Variants in RASGRF1 observed in about 807,000 individuals in gnomAD.
The protein encoded by RASGRF1 is ras-specific guanine nucleotide-releasing factor 1.
RASGRF1 carries 40 observed loss-of-function variants against 138.7 expected under a neutral mutation model. The ratio of observed to expected loss-of-function variants is 0.29; its 90% CI spans 0.22 to 0.38. RASGRF1 has a LOEUF of 0.38. Ranked by LOEUF, RASGRF1 falls within the 10% of genes least tolerant of loss-of-function variation. The probability of loss-of-function intolerance (pLI) is 1.00; values close to 1 mark genes in which losing one functional copy is unlikely to be tolerated. For missense variants in RASGRF1, 1,108 were observed against 1,650.4 expected (o/e 0.67, Z 5.69); for synonymous variants, 614 against 663.2 (o/e 0.93, Z 1.14).
chr15:78,992,462 T>C (rs1005039948), intron 20 of RASGRF1, among the ~76,000 whole-genome samples: 1 of 152,142 alleles, frequency 6.6e-6, no homozygotes, highest in Non-Finnish European at 1.5e-5. Flanking sequence ...CGGCAGGAGA[T>C]GGATGAGTGG....
At chr15:79,010,589 C>T (rs531880477) in intron 13 of RASGRF1, among the ~76,000 whole-genome samples, 1 of 152,324 alleles carries the variant, frequency 6.6e-6, no homozygotes, top group East Asian at 1.9e-4. Context: ...AACATTTTCT[C>T]AGTGGAAATT....
intron 13 of RASGRF1, among the ~76,000 whole-genome samples, chr15:79,013,471 C>T (rs994820513): frequency 2.6e-5 from 4 of 152,238 alleles, no homozygotes; most frequent in African/African-American, 7.2e-5. Flanking sequence ...AGAGTGGTGG[C>T]GAGTGGAAAC....
chr15:79,012,471 C>T (rs376363630), intron 13 of RASGRF1: 156 of 1,514,136 alleles, frequency 1.0e-4, no homozygotes, highest in Middle Eastern at 1.7e-4. Flanking sequence ...ATGAATTTCC[C>T]GAGGACGGAG....
At chr15:78,968,904 C>T (rs191010279) in intron 26 of RASGRF1, among the ~76,000 whole-genome samples, 170 of 152,240 alleles carry the variant, frequency 1.1e-3, no homozygotes, top group African/African-American at 3.2e-3. Context: ...AGTCTTTGGC[C>T]GGACTTTAAT....
chr15:78,969,319 T>G (rs928746263), intron 26 of RASGRF1, among the ~76,000 whole-genome samples: 9 of 152,198 alleles, frequency 5.9e-5, no homozygotes, highest in Non-Finnish European at 1.2e-4. Flanking sequence ...CCTGATTAGA[T>G]TCAAACACTT....
chr15:79,064,591 ATC>A, intron 1 of RASGRF1, 65 bp from the exon 2 acceptor site: 1 of 1,499,008 alleles, frequency 6.7e-7, no homozygotes, highest in Non-Finnish European at 9.3e-7. Flanking sequence ...GACTCTTGCA[ATC>A]AATCTAGCTG....
chr15:78,998,904 C>T lies in RASGRF1; in HGVS notation c.2747-79G>A, dbSNP rs1253860264. The T allele has an allele frequency of 3.3e-6, 4 of 1,225,252 alleles. No individual in the cohort carries two copies. The African/African-American group carries it at 6.0e-5, about 18-fold the overall frequency. The allele number at this position is 1,225,252 out of a possible 1,614,324, so 75.9% of individuals were successfully genotyped here. ...GCTTGACACTAGTCTGGATTTGCCT[C>T]TCGGATCTGGCTGAGCTGGGGTGAG... On this transcript the variant is annotated intron_variant, in intron 17 of 26. Coordinates refer to ENST00000558480, the MANE Select transcript of RASGRF1 (RefSeq NM_001145648.3).
intron 24 of RASGRF1, among the ~76,000 whole-genome samples, chr15:78,976,132 G>C (rs1235172688): frequency 6.6e-6 from 1 of 152,080 alleles, no homozygotes; most frequent in African/African-American, 2.4e-5. Context: ...CAGTGAAAAG[G>C]ATCAGAGGTC....
chr15:79,004,297 T>G lies in RASGRF1; in HGVS notation c.2076-122A>C, dbSNP rs971374069. 3.1e-6 allele frequency: 4 copies of G among 1,277,274 alleles called. No individual in the cohort carries two copies. In the East Asian group the frequency reaches 7.2e-5, roughly 23 times the overall value. 79.1% of individuals were successfully genotyped at this position (1,277,274 alleles called of 1,614,324 possible). On this transcript the variant is annotated intron_variant, in intron 14 of 26. Transcript: ENST00000558480. ...ACGGCTCCATCATTCTTAGGATCCC[T>G]GAAACCCATACTTGAGCTGATCCTC...
rs1481272886 is a variant in RASGRF1 at position 78,980,682 on chromosome 15, A to T, written c.3432T>A (p.Asp1144Glu). The change falls in exon 24 of 27, where the codon GAT (aspartate) becomes GAA (glutamate). Residue 1144 changes from aspartate to glutamate, a missense_variant. Asp to Glu is a conservative substitution (Grantham distance 45). Coordinates refer to ENST00000558480, the MANE Select transcript of RASGRF1 (RefSeq NM_001145648.3). ...CAGATGACACAAGCTTTTGGAGCTT[A>T]TCAATCAAAGCTTTAGTCTAGAAGG... ...KVSKQTKALIDKLQKLVSSEG... is the reference protein window; with the variant it reads ...KVSKQTKALIEKLQKLVSSEG... 2 of 1,604,594 alleles carry T rather than the reference A, an allele frequency of 1.2e-6. No individual in the cohort carries two copies. Among genetic ancestry groups the T allele is most frequent in the Non-Finnish European group, 1.7e-6 (2 of 1,172,204 alleles).
chr15:79,078,576 C>T (rs1176150444), intron 1 of RASGRF1, among the ~76,000 whole-genome samples: 1 of 152,154 alleles, frequency 6.6e-6, no homozygotes, highest in Non-Finnish European at 1.5e-5. Context: ...CCACTAGATC[C>T]CCCACACCAA....
intron 14 of RASGRF1, chr15:79,005,296 C>T: frequency 2.0e-6 from 2 of 985,622 alleles, no homozygotes; most frequent in Non-Finnish European, 2.4e-6. Flanking sequence ...TGGTGAGGTT[C>T]CTGGGGAGCC....
intron 1 of RASGRF1, among the ~76,000 whole-genome samples, chr15:79,080,423 A>G (rs1444880899): frequency 3.3e-5 from 5 of 152,218 alleles, no homozygotes; most frequent in Admixed American, 1.3e-4. Flanking sequence ...AGAACACTAC[A>G]TGTGAACAGG....
At chr15:79,075,232 T>C (rs1033326571) in intron 1 of RASGRF1, among the ~76,000 whole-genome samples, 2 of 152,214 alleles carry the variant, frequency 1.3e-5, no homozygotes, top group Non-Finnish European at 2.9e-5. Context: ...ACCTGCGACC[T>C]ACCAGGCTCA....
At position 79,017,601 on chromosome 15, in the gene RASGRF1, T is replaced by A. The variant is rs141164968; in HGVS notation, c.1743+169A>T. On this transcript the variant is annotated intron_variant, in intron 12 of 26. Transcript: ENST00000558480. ...GGGACTACAAACGGGATGGACTAGC[T>A]GAGCTCAGCTTTGGGTAGGGCTGTG... Among the ~76,000 whole-genome samples, 442 of 152,304 alleles carry A rather than the reference T, an allele frequency of 2.9e-3. 7 individuals carry two copies. Among genetic ancestry groups the A allele is most frequent in the Admixed American group, 0.026 (396 of 15,296 alleles).
chr15:79,009,962 A>T (rs2056761197), intron 13 of RASGRF1, among the ~76,000 whole-genome samples: 1 of 149,052 alleles, frequency 6.7e-6, no homozygotes, highest in Non-Finnish European at 1.5e-5. Context: ...TGACCTTGTG[A>T]TCTGCCCACC....
chr15:78,984,539 ACT>A (rs2056105635), intron 23 of RASGRF1: 1 of 222,352 alleles, frequency 4.5e-6, no homozygotes, highest in Non-Finnish European at 9.1e-6. Context: ...GAAGCAGCTA[ACT>A]CTCTGTGGCC....
At chr15:79,009,093 T>C (rs552783542) in intron 13 of RASGRF1, among the ~76,000 whole-genome samples, 3 of 152,270 alleles carry the variant, frequency 2.0e-5, no homozygotes, top group Admixed American at 2.0e-4. Flanking sequence ...GCAAGTCTGA[T>C]GTGATTCTGC....
At chr15:79,070,299 C>T (rs190475393) in intron 1 of RASGRF1, among the ~76,000 whole-genome samples, 2 of 152,294 alleles carry the variant, frequency 1.3e-5, no homozygotes, top group East Asian at 1.9e-4. Context: ...CCACCTAGCC[C>T]CTACCTGGGC....
Sources: allele counts gnomAD v4.1 joint callset (sites outside exome capture counted in the v4.1 genomes callset), GRCh38; gene constraint gnomAD v4.1.1; transcripts MANE v1.5; gene names NCBI Gene and HGNC (gene_info 2026-07-23, HGNC 2026-07-21).